CLSTN2: variants seen among roughly 807,000 people sequenced by gnomAD.
CLSTN2 encodes calsyntenin 2, also known as calsyntenin-2.
CLSTN2 carries 48 observed loss-of-function variants against 101.2 expected under a neutral mutation model. The observed-to-expected ratio is 0.47, with a 90% CI of 0.38 to 0.60. The LOEUF (loss-of-function observed/expected upper bound fraction) is 0.60, where lower values mean the gene tolerates loss of function less well. Ranked by LOEUF, CLSTN2 falls within the 20% of genes least tolerant of loss-of-function variation. CLSTN2 has a pLI of 0.00. For missense variants in CLSTN2, 1,160 were observed against 1,238.2 expected (o/e 0.94, Z 0.95); for synonymous variants, 481 against 463.6 (o/e 1.04, Z -0.48).
chr3:140,275,143 T>C (rs983040480), intron 2 of CLSTN2, among the ~76,000 whole-genome samples: 1 of 152,170 alleles, frequency 6.6e-6, no homozygotes, highest in Non-Finnish European at 1.5e-5. Flanking sequence ...GAGATTTAAC[T>C]TACATGCCAG....
intron 2 of CLSTN2, among the ~76,000 whole-genome samples, chr3:140,215,155 C>T (rs2010904873): frequency 6.6e-6 from 1 of 152,114 alleles, no homozygotes; most frequent in South Asian, 2.1e-4. Flanking sequence ...TGTGGCTTTG[C>T]CGTCTTTCTC....
At chr3:140,145,033 C>T (rs1238520824) in intron 1 of CLSTN2, among the ~76,000 whole-genome samples, 2 of 152,186 alleles carry the variant, frequency 1.3e-5, no homozygotes, top group Middle Eastern at 3.2e-3. Flanking sequence ...GTAGTTTTAC[C>T]ACCTTGGAAT....
intron 1 of CLSTN2, among the ~76,000 whole-genome samples, chr3:140,097,920 T>C (rs910538809): frequency 3.9e-5 from 6 of 152,300 alleles, no homozygotes; most frequent in Non-Finnish European, 8.8e-5. Flanking sequence ...AAAATACAAA[T>C]GAAAGTTTAT....
intron 1 of CLSTN2, among the ~76,000 whole-genome samples, chr3:140,123,915 C>T (rs1185653310): frequency 1.3e-5 from 2 of 151,916 alleles, no homozygotes; most frequent in African/African-American, 4.8e-5. Flanking sequence ...ACTCTACCCT[C>T]ATAACTTCAT....
chr3:140,271,159 A>G (rs533627576), intron 2 of CLSTN2, among the ~76,000 whole-genome samples: 2 of 152,222 alleles, frequency 1.3e-5, no homozygotes, highest in African/African-American at 4.8e-5. Flanking sequence ...TTAGAGCACC[A>G]TTGCATTCGG....
intron 8 of CLSTN2, among the ~76,000 whole-genome samples, chr3:140,517,971 C>T (rs1464765651): frequency 6.6e-6 from 1 of 152,090 alleles, no homozygotes; most frequent in Non-Finnish European, 1.5e-5. Flanking sequence ...TGTCTGAGCG[C>T]AGACTCTCCG....
chr3:140,176,034 C>T lies in CLSTN2; in HGVS notation c.193C>T (p.Leu65=). The change falls in exon 2 of 17, where the codon CTG becomes TTG. Residue 65 remains leucine (L), a synonymous_variant. Transcript: ENST00000458420. The stretch of plus-strand genomic sequence containing the variant: ...TGACACAGTCATTTTGGACCCACCA[C>T]TGGTAGCCCTGGATAAAGATGCACC... ...NNDTVILDPP[L]VALDKDAPVP... 2 of 1,613,928 alleles carry T rather than the reference C, an allele frequency of 1.2e-6. No individual in the cohort carries two copies. Among genetic ancestry groups the T allele is most frequent in the East Asian group, 4.5e-5 (2 of 44,846 alleles).
At chr3:140,239,672 T>C (rs919826754) in intron 2 of CLSTN2, among the ~76,000 whole-genome samples, 9 of 152,136 alleles carry the variant, frequency 5.9e-5, no homozygotes, top group African/African-American at 2.2e-4. Context: ...TTCTAAAAAG[T>C]GCTCCATTTT....
intron 1 of CLSTN2, among the ~76,000 whole-genome samples, chr3:140,000,017 C>T (rs2006793588): frequency 6.8e-6 from 1 of 148,092 alleles, no homozygotes; most frequent in South Asian, 2.2e-4. Context: ...CTCCCTCCCT[C>T]CCTCCCTCCG....
chr3:140,024,968 AG>A (rs1175383021), intron 1 of CLSTN2, among the ~76,000 whole-genome samples: 23 of 152,226 alleles, frequency 1.5e-4, no homozygotes, highest in Non-Finnish European at 7.3e-5. Flanking sequence ...TTATATACAA[AG>A]GTATTTGAAC....
At chr3:140,437,735 G>A (rs1176920741) in intron 5 of CLSTN2, among the ~76,000 whole-genome samples, 1 of 152,218 alleles carries the variant, frequency 6.6e-6, no homozygotes, top group Non-Finnish European at 1.5e-5. Flanking sequence ...GAGGTAGTAA[G>A]TGGCAATTGG....
chr3:140,076,625 G>GTTTTTTTTTTTTTT lies in CLSTN2; in HGVS notation c.110-99311_110-99298dup, dbSNP rs35645750. On this transcript the variant is annotated intron_variant, in intron 1 of 16. Coordinates refer to ENST00000458420, the MANE Select transcript of CLSTN2 (RefSeq NM_022131.3). ...CAATGACTCCCCTCTCACCAGCAGT[G>GTTTTTTTTTTTTTT]TTTTTTTTTTTTTTTTTTTTTTTTT... is the stretch of plus-strand genomic sequence containing the variant. Among the ~76,000 whole-genome samples, 22 of 38,068 alleles carry GTTTTTTTTTTTTTT rather than the reference G, an allele frequency of 5.8e-4. 4 individuals carry two copies. Among genetic ancestry groups the GTTTTTTTTTTTTTT allele is most frequent in the African/African-American group, 2.0e-3 (18 of 8,916 alleles). 25.0% of individuals were successfully genotyped at this position (38,068 alleles called of 152,430 possible).
At chr3:140,450,331 C>G (rs965621488) in intron 6 of CLSTN2, among the ~76,000 whole-genome samples, 2 of 152,132 alleles carry the variant, frequency 1.3e-5, no homozygotes, top group East Asian at 3.9e-4. Context: ...TCCATCCAGG[C>G]CTCGGGAGCT....
intron 1 of CLSTN2, among the ~76,000 whole-genome samples, chr3:139,982,569 G>A (rs1460804401): frequency 8.5e-5 from 13 of 152,114 alleles, no homozygotes; most frequent in African/African-American, 2.2e-4. Context: ...CTGAGAAAGC[G>A]ATGTATGGCA....
intron 16 of CLSTN2, among the ~76,000 whole-genome samples, chr3:140,565,641 A>T (rs1936011252): frequency 6.6e-6 from 1 of 152,234 alleles, no homozygotes; most frequent in African/African-American, 2.4e-5. Flanking sequence ...CACTTGGAAA[A>T]GAGACACAAG....
intron 2 of CLSTN2, among the ~76,000 whole-genome samples, chr3:140,201,340 T>G (rs759532934): frequency 6.6e-6 from 1 of 151,764 alleles, no homozygotes; most frequent in South Asian, 2.1e-4. Flanking sequence ...GGGAGAAAAA[T>G]GGGGCCTTGT....
At chr3:140,062,320 C>A (rs958041929) in intron 1 of CLSTN2, among the ~76,000 whole-genome samples, 2 of 152,168 alleles carry the variant, frequency 1.3e-5, no homozygotes, top group Non-Finnish European at 2.9e-5. Context: ...ATTGAGGGGT[C>A]CCTATTCTAC....
Position 139,952,955 on chromosome 3 carries a change from G to A in CLSTN2, c.109+17472G>A, listed in dbSNP as rs146108551. On this transcript the variant is annotated intron_variant, in intron 1 of 16. Transcript: ENST00000458420. ...GTGGTCACAAAATCAGGTCTGAAAC[G>A]GCCCCATATTCTACCCATAGCCAGC... Among the ~76,000 whole-genome samples the A allele has an allele frequency of 2.5e-3, 387 of 152,166 alleles. 1 individual carries two copies. Among genetic ancestry groups the A allele is most frequent in the African/African-American group, 8.9e-3 (370 of 41,488 alleles).
At chr3:140,525,558 T>C (rs1559894386) in intron 8 of CLSTN2, among the ~76,000 whole-genome samples, 1 of 152,034 alleles carries the variant, frequency 6.6e-6, no homozygotes, top group Non-Finnish European at 1.5e-5. Context: ...GAGAAGGAGC[T>C]CCTCCCTAAC....
Sources: gnomAD v4.1 joint callset for allele counts (sites outside exome capture counted in the v4.1 genomes callset) on GRCh38, gnomAD v4.1.1 for gene constraint, MANE v1.5 for transcripts, NCBI Gene and HGNC (gene_info 2026-07-23, HGNC 2026-07-21) for gene names.